The following KSR1 variants were observed in gnomAD, a reference collection of about 807,000 sequenced individuals.
KSR1 encodes kinase suppressor of ras.
In KSR1, 35 loss-of-function variants were observed where a neutral mutation model predicts 92.9. The observed-to-expected ratio is 0.38, with a 90% CI of 0.29 to 0.50. KSR1 has a LOEUF of 0.50. Among genes scored for constraint, KSR1 ranks in the 20% least tolerant of loss-of-function variants. KSR1 has a pLI of 0.94. For missense variants in KSR1, 972 were observed against 1,158.5 expected (o/e 0.84, Z 2.34); for synonymous variants, 467 against 472.6 (o/e 0.99, Z 0.15).
rs758945472 is a variant in KSR1, at chr17:27,605,607, C to A, written c.1788C>A (p.Pro596=). The A allele has an allele frequency of 1.2e-6, 2 of 1,604,850 alleles. No individual in the cohort carries two copies. The highest frequency in any genetic ancestry group is 1.7e-6 in the Non-Finnish European group (2 of 1,176,384). Residue 596 remains proline, a synonymous_variant, in exon 14 of 21, where the codon CCC becomes CCA. Transcript: ENST00000644974. ...IPFEQVELGE[P]IGQGRWGRVH... ...TCGAGCAGGTAGAGCTGGGCGAGCC[C>A]ATCGGGCAGGGCCGCTGGGGCCGGG...
At chr17:27,457,801 C>T (rs1283680663) in intron 1 of KSR1, among the ~76,000 whole-genome samples, 2 of 152,068 alleles carry the variant, frequency 1.3e-5, no homozygotes, top group African/African-American at 2.4e-5. Flanking sequence ...ATAGCTGCCC[C>T]GTCTTGAAGA....
intron 20 of KSR1, 57 bp downstream of exon 20, chr17:27,621,330 C>A (rs1040424816): frequency 9.0e-5 from 36 of 398,492 alleles, no homozygotes; most frequent in Non-Finnish European, 4.9e-5. Context: ...CTGACACAAG[C>A]CCTGCTTCCT....
chr17:27,507,429 T>C (rs1463202432), intron 1 of KSR1, among the ~76,000 whole-genome samples: 1 of 151,996 alleles, frequency 6.6e-6, no homozygotes, highest in Non-Finnish European at 1.5e-5. Flanking sequence ...CAAGACTTTG[T>C]CTCGAAGGAA....
chr17:27,603,154 G>A (rs954303290), intron 11 of KSR1, among the ~76,000 whole-genome samples: 7 of 152,218 alleles, frequency 4.6e-5, no homozygotes, highest in Admixed American at 1.3e-4. Flanking sequence ...CTTCCTGGAC[G>A]TGGGACTTTT....
At chr17:27,575,785 C>G (rs1398012627) in intron 2 of KSR1, among the ~76,000 whole-genome samples, 1 of 152,192 alleles carries the variant, frequency 6.6e-6, no homozygotes, top group African/African-American at 2.4e-5. Context: ...TTCTACCATT[C>G]ATTCTTTGTA....
intron 10 of KSR1, 139 bp downstream of exon 10, chr17:27,597,575 C>A (rs1323665545): frequency 2.5e-5 from 22 of 871,540 alleles, no homozygotes; most frequent in Non-Finnish European, 3.6e-5. Flanking sequence ...TCCGGCGCCC[C>A]AAGCACAATA....
intron 11 of KSR1, among the ~76,000 whole-genome samples, chr17:27,603,100 C>T (rs1411387185): frequency 6.6e-6 from 1 of 152,238 alleles, no homozygotes; most frequent in Non-Finnish European, 1.5e-5. Flanking sequence ...ACCAATCTCC[C>T]TGTAGCACTT....
At chr17:27,597,493 A>G in intron 10 of KSR1, 57 bp downstream of exon 10, 1 of 1,515,972 alleles carries the variant, frequency 6.6e-7, no homozygotes, top group Non-Finnish European at 8.9e-7. Context: ...TCCCCTTCTC[A>G]GCAGACCCAA....
chr17:27,541,535 TG>T (rs1301593057), intron 1 of KSR1, among the ~76,000 whole-genome samples: 1 of 152,204 alleles, frequency 6.6e-6, no homozygotes. Flanking sequence ...CAGGATTCAC[TG>T]CCTGGAACAG....
chr17:27,583,100 G>A lies in KSR1; in HGVS notation c.975G>A (p.Ser325=), dbSNP rs761215600. The A allele has an allele frequency of 9.0e-6, 14 of 1,547,542 alleles. No homozygotes were observed. In the East Asian group the frequency reaches 1.4e-4, roughly 15 times the overall value. The part of the protein sequence containing the change: ...QLGNRIDDVS[S]MRFDLSHGSP... ...GGAACCGCATTGATGACGTCTCCTC[G>A]ATGAGGTGAGTGCTCCTTCTGGGCA... Residue 325 remains serine, a synonymous_variant, in exon 4 of 21, where the codon TCG becomes TCA. Transcript: ENST00000644974.
At chr17:27,554,410 T>C (rs1370792982) in intron 2 of KSR1, among the ~76,000 whole-genome samples, 1 of 152,208 alleles carries the variant, frequency 6.6e-6, no homozygotes, top group Non-Finnish European at 1.5e-5. Context: ...AGGAGGAACG[T>C]GTTTACAGTT....
chr17:27,532,193 G>A (rs992955449), intron 1 of KSR1, among the ~76,000 whole-genome samples: 1 of 152,236 alleles, frequency 6.6e-6, no homozygotes, highest in African/African-American at 2.4e-5. Flanking sequence ...GTCTGGTCCT[G>A]CTAATAATCC....
At chr17:27,583,618 C>T (rs1284036017) in intron 4 of KSR1, among the ~76,000 whole-genome samples, 2 of 152,226 alleles carry the variant, frequency 1.3e-5, no homozygotes, top group African/African-American at 4.8e-5. Flanking sequence ...GCTCTTTGCC[C>T]ACACGCCCAG....
At chr17:27,558,258 C>T (rs115607086) in intron 2 of KSR1, 203 of 143,870 alleles carry the variant, frequency 1.4e-3, no homozygotes, top group African/African-American at 4.8e-3. Flanking sequence ...AAATTTACTC[C>T]CTTCTCTCTC....
intron 1 of KSR1, among the ~76,000 whole-genome samples, chr17:27,520,071 C>T (rs1597933113): frequency 6.6e-6 from 1 of 152,206 alleles, no homozygotes; most frequent in East Asian, 1.9e-4. Flanking sequence ...CCCTTTGTTG[C>T]ACCCTTTATA....
intron 10 of KSR1, among the ~76,000 whole-genome samples, chr17:27,599,715 T>G (rs2073478243): frequency 6.6e-6 from 1 of 152,348 alleles, no homozygotes; most frequent in Middle Eastern, 3.4e-3. Flanking sequence ...TAACCTTAGC[T>G]TACAACTTTT....
At chr17:27,544,625 G>GT (rs1473620834) in intron 1 of KSR1, among the ~76,000 whole-genome samples, 2 of 152,196 alleles carry the variant, frequency 1.3e-5, no homozygotes, top group Admixed American at 1.3e-4. Context: ...AGAGATGTTG[G>GT]TTCCAGCCCA....
chr17:27,487,264 G>A (rs1464616793), intron 1 of KSR1, among the ~76,000 whole-genome samples: 2 of 150,964 alleles, frequency 1.3e-5, no homozygotes, highest in South Asian at 2.1e-4. Flanking sequence ...GTGAAACCCC[G>A]TCTCTACTAA....
chr17:27,544,824 G>A (rs1489582160), intron 1 of KSR1, among the ~76,000 whole-genome samples: 1 of 152,256 alleles, frequency 6.6e-6, no homozygotes, highest in Non-Finnish European at 1.5e-5. Context: ...CCCCACTGTG[G>A]TTTGTCTGGG....
Sources: allele counts gnomAD v4.1 joint callset (sites outside exome capture counted in the v4.1 genomes callset), GRCh38; gene constraint gnomAD v4.1.1; transcripts MANE v1.5; gene names NCBI Gene and HGNC (gene_info 2026-07-23, HGNC 2026-07-21).